Variants in MSL1 observed in about 807,000 individuals in gnomAD.
MSL1 encodes male-specific lethal 1 homolog.
Under a neutral mutation model 64.6 loss-of-function variants are expected in MSL1, and 21 were observed. The ratio of observed to expected loss-of-function variants is 0.33; its 90% confidence interval spans 0.23 to 0.47. The LOEUF (loss-of-function observed/expected upper bound fraction) is 0.47, where lower values mean the gene tolerates loss of function less well. Ranked by LOEUF, MSL1 falls within the 20% of genes least tolerant of loss-of-function variation. The pLI is 1.00. For synonymous variants in MSL1, 339 were observed against 329.6 expected (o/e 1.03, Z -0.31); for missense variants, 664 against 793.2 (o/e 0.84, Z 1.96).
Position 40,126,381 on chromosome 17 carries a change from G to A in MSL1, c.967G>A (p.Gly323Arg). 1 of 1,614,010 alleles carries A rather than the reference G, an allele frequency of 6.2e-7. No individual in the cohort carries two copies. Among genetic ancestry groups the A allele is most frequent in the South Asian group, 1.1e-5 (1 of 91,068 alleles). ...TCTGCCTCCCAAGCCCTTCTCATGT[G>A]GGCGGAGTGGAAAGGGACATAAAAG... ...QTLPPKPFSCGRSGKGHKRKS... is the reference protein window; with the variant it reads ...QTLPPKPFSCRRSGKGHKRKS... Residue 323 changes from glycine (G) to arginine (R), a missense_variant, in exon 2 of 9, where the codon GGG becomes AGG. By Grantham distance (125) the Gly-to-Arg change is moderately radical. Transcript: ENST00000398532.
Position 40,135,348 on chromosome 17 carries a change from T to C in MSL1, c.*979T>C, listed in dbSNP as rs1988519831. The stretch of plus-strand genomic sequence containing the variant: ...TCTCCATTCACTTTGTAAAAATAAT[T>C]TGTATGTGTACCATCTTGGTCCTCT... On this transcript the variant is annotated 3_prime_UTR_variant, in exon 9 of 9. Coordinates refer to ENST00000398532, the MANE Select transcript of MSL1 (RefSeq NM_001365919.1). 2 of 152,228 alleles carry C rather than the reference T, an allele frequency of 1.3e-5. No individual in the cohort carries two copies. The highest frequency in any genetic ancestry group is 6.6e-5 in the Admixed American group (1 of 15,260). 9.4% of individuals were successfully genotyped at this position (152,228 alleles called of 1,614,324 possible).
At position 40,123,135 on chromosome 17, in the gene MSL1, C is replaced by T. The variant is rs1257300790; in HGVS notation, c.523C>T (p.Leu175=). ...TASDPAGPPP[L]PLPGPPPLAP... Reference sequence around the variant, plus strand: ...CTCGGACCCGGCGGGACCCCCACCACTACCTCTGCCCGGGCCGCCACCCCT... The same window carrying T: ...CTCGGACCCGGCGGGACCCCCACCATTACCTCTGCCCGGGCCGCCACCCCT... Residue 175 remains leucine, a synonymous_variant, in exon 1 of 9, where the codon CTA becomes TTA. Transcript: ENST00000398532. 5 of 1,533,044 alleles carry T rather than the reference C, an allele frequency of 3.3e-6. No individual in the cohort carries two copies. Among genetic ancestry groups the T allele is most frequent in the Non-Finnish European group, 4.4e-6 (5 of 1,145,704 alleles). 95.0% of individuals were successfully genotyped at this position (1,533,044 alleles called of 1,614,324 possible).
Position 40,136,390 on chromosome 17 carries a change from T to C in MSL1, c.*2021T>C, listed in dbSNP as rs1366360229. ...CCTCTTATTTTATTGTCCCCTCTTC[T>C]AGGTTAATTCTCCTTTGATTTGACT... On this transcript the variant is annotated 3_prime_UTR_variant, in exon 9 of 9. Transcript: ENST00000398532. 1 of 152,340 alleles carries C rather than the reference T, an allele frequency of 6.6e-6. No homozygotes were observed. The highest frequency in any genetic ancestry group is 2.4e-5 in the African/African-American group (1 of 41,454). The allele number at this position is 152,340 out of a possible 1,614,324, so 9.4% of individuals were successfully genotyped here. A position where few individuals can be genotyped will look rare whatever the true frequency, so the allele number is the denominator to read the frequency against.
Position 40,129,605 on chromosome 17 carries a change from A to C in MSL1, c.1353A>C (p.Pro451=), listed in dbSNP as rs1226047327. ...PSPLPLRESS[P]KKEETVARCL... Reference sequence around the variant, plus strand: ...CGTTACCATTACGGGAATCCTCTCCAAAGAAGGAGGAGACTGTAGCAAGTA... The same window carrying C: ...CGTTACCATTACGGGAATCCTCTCCCAAGAAGGAGGAGACTGTAGCAAGTA... The change falls in exon 3 of 9, where the codon CCA becomes CCC. Residue 451 remains proline, a synonymous_variant. Transcript: ENST00000398532. The C allele has an allele frequency of 4.3e-6, 7 of 1,609,264 alleles. No individual in the cohort carries two copies. The East Asian group carries it at 1.3e-4, about 31-fold the overall frequency.
In MSL1 at chr17:40,136,827, C is replaced by G. The variant is rs1988548947; in HGVS notation, c.*2458C>G. ...TGCTTCAATTTATTATATTTATTGG[C>G]AAACAAACAATTCTGCTTGTATATT... On this transcript the variant is annotated 3_prime_UTR_variant, in exon 9 of 9. Transcript: ENST00000398532. The G allele has an allele frequency of 6.6e-6, 1 of 152,214 alleles. No individual in the cohort carries two copies. Among genetic ancestry groups the G allele is most frequent in the East Asian group, 1.9e-4 (1 of 5,310 alleles). 9.4% of individuals were successfully genotyped at this position (152,214 alleles called of 1,614,324 possible).
At chr17:40,128,491 C>T in intron 2 of MSL1, among the ~76,000 whole-genome samples, 1 of 150,600 alleles carries the variant, frequency 6.6e-6, no homozygotes, top group East Asian at 2.0e-4. Context: ...TCTCCTGCCT[C>T]AGCCTCTCAA....
rs1272396379 is a variant in MSL1, at chr17:40,134,303, T to C, written c.1779T>C (p.Asp593=). ...TPQNFELPWL[D]ERSRCRLEIQ... ...GGAATTTTGAGCTACCCTGGTTGGA[T>C]GAGCGTAGCCGATGCAGATTGGAGA... Residue 593 remains aspartate, a synonymous_variant, in exon 9 of 9, where the codon GAT becomes GAC. Transcript: ENST00000398532. 2 of 1,556,906 alleles carry C rather than the reference T, an allele frequency of 1.3e-6. No individual in the cohort carries two copies. Among genetic ancestry groups the C allele is most frequent in the East Asian group, 2.4e-5 (1 of 41,644 alleles).
Position 40,122,416 on chromosome 17 carries a change from C to T in MSL1, c.-197C>T. 2.7e-6 allele frequency: 1 copy of T among 367,860 alleles called. No homozygotes were observed. 22.8% of individuals were successfully genotyped at this position (367,860 alleles called of 1,614,324 possible). A position where few individuals can be genotyped will look rare whatever the true frequency, so the allele number is the denominator to read the frequency against. The stretch of plus-strand genomic sequence containing the variant: ...CCCATGGGCCGGCGGCGGGCCTCAG[C>T]CGCGGCCTCCACGTCTCCGCACGCC... On this transcript the variant is annotated 5_prime_UTR_variant, in exon 1 of 9. Coordinates refer to ENST00000398532, the MANE Select transcript of MSL1 (RefSeq NM_001365919.1). This position sits in a 1 kb window ranked among gnomAD's most constrained non-coding sequence, Gnocchi z 4.2.
rs1370593094 is a variant in MSL1, at chr17:40,134,532, ACT to A, written c.*166_*167del. On this transcript the variant is annotated 3_prime_UTR_variant, in exon 9 of 9. Coordinates refer to ENST00000398532, the MANE Select transcript of MSL1 (RefSeq NM_001365919.1). ...TTTTCATTACTCTGATTTCACAAAAACTCTTTCATTCGGCTAATTGTGAGTTA... is the reference window on the plus strand; with the variant it reads ...TTTTCATTACTCTGATTTCACAAAAACTTTCATTCGGCTAATTGTGAGTTA... The A allele has an allele frequency of 4.9e-6, 3 of 615,936 alleles. No individual in the cohort carries two copies. Among genetic ancestry groups the A allele is most frequent in the Non-Finnish European group, 8.5e-6 (3 of 354,568 alleles). 38.2% of individuals were successfully genotyped at this position (615,936 alleles called of 1,614,324 possible). A position where few individuals can be genotyped will look rare whatever the true frequency, so the allele number is the denominator to read the frequency against.
At chr17:40,134,158 A>G (rs1343839865) in intron 8 of MSL1, 121 bp from the exon 9 acceptor site, 7 of 813,588 alleles carry the variant, frequency 8.6e-6, no homozygotes, top group Non-Finnish European at 1.4e-5. Flanking sequence ...CAGGAAAGAC[A>G]CTCCAAACTA....
chr17:40,127,866 T>C lies in MSL1; in HGVS notation c.993-1379T>C, dbSNP rs957856237. Among the ~76,000 whole-genome samples the C allele has an allele frequency of 3.3e-5, 5 of 152,212 alleles. No homozygotes were observed. In the East Asian group the frequency reaches 9.6e-4, roughly 29 times the overall value. The stretch of plus-strand genomic sequence containing the variant: ...ATAGCCGGGTGCGGTGGCTCACGCC[T>C]GTAATCCCAGCACTTTGGGAGGCCG... On this transcript the variant is annotated intron_variant, in intron 2 of 8. Transcript: ENST00000398532.
In MSL1 at chr17:40,126,419, CTT is replaced by C. The variant is rs1567668776; in HGVS notation, c.992+15_992+16del. 2 of 1,610,408 alleles carry C rather than the reference CTT, an allele frequency of 1.2e-6. No homozygotes were observed. The highest frequency in any genetic ancestry group is 2.7e-5 in the African/African-American group (2 of 74,924). On this transcript the variant is annotated intron_variant, in intron 2 of 8. Transcript: ENST00000398532. ...AGGGACATAAAAGGTGTGCTGATAA[CTT>C]TGTTTGATGAGGACCCTTGTTACCA...
intron 3 of MSL1, 195 bp downstream of exon 3, chr17:40,129,822 T>G (rs1398400994): frequency 3.4e-6 from 2 of 591,622 alleles, no homozygotes; most frequent in East Asian, 3.1e-5. Flanking sequence ...ATGTGCTCAA[T>G]GTATTTGCCT....
intron 1 of MSL1, 107 bp from the exon 2 acceptor site, chr17:40,126,076 G>A: frequency 1.1e-6 from 1 of 923,846 alleles, no homozygotes; most frequent in Non-Finnish European, 1.7e-6. Flanking sequence ...AGTTGATGTG[G>A]TCCATAGAAA....
In MSL1 at chr17:40,136,662, T is replaced by C. The variant is rs1004976783; in HGVS notation, c.*2293T>C. 2 of 152,378 alleles carry C rather than the reference T, an allele frequency of 1.3e-5. No individual in the cohort carries two copies. The highest frequency in any genetic ancestry group is 4.8e-5 in the African/African-American group (2 of 41,464). The allele number at this position is 152,378 out of a possible 1,614,324, so 9.4% of individuals were successfully genotyped here. A position where few individuals can be genotyped will look rare whatever the true frequency, so the allele number is the denominator to read the frequency against. On this transcript the variant is annotated 3_prime_UTR_variant, in exon 9 of 9. Transcript: ENST00000398532. Reference sequence around the variant, plus strand: ...GTCTGTCTACTTCAGCTTTGTTTTATGCCCATTTCATATTGTTGTCTGTGT... The same window carrying C: ...GTCTGTCTACTTCAGCTTTGTTTTACGCCCATTTCATATTGTTGTCTGTGT...
intron 5 of MSL1, among the ~76,000 whole-genome samples, chr17:40,132,530 C>T (rs746967367): frequency 2.6e-5 from 4 of 151,870 alleles, no homozygotes; most frequent in Admixed American, 1.3e-4. Flanking sequence ...CCCAGCTACT[C>T]GGGAGGCTGA....
In MSL1 at chr17:40,134,492, A is replaced by G. The variant is rs1318664043; in HGVS notation, c.*123A>G. ...TCACTCGCTGATAATACCCTTTCAT[A>G]CTTCCTTGACTTTGTTTTCATTACT... On this transcript the variant is annotated 3_prime_UTR_variant, in exon 9 of 9. Transcript: ENST00000398532. 11 of 741,068 alleles carry G rather than the reference A, an allele frequency of 1.5e-5. No individual in the cohort carries two copies. Among genetic ancestry groups the G allele is most frequent in the Non-Finnish European group, 2.2e-5 (10 of 446,468 alleles). The allele number at this position is 741,068 out of a possible 1,614,324, so 45.9% of individuals were successfully genotyped here. A position where few individuals can be genotyped will look rare whatever the true frequency, so the allele number is the denominator to read the frequency against.
chr17:40,129,775 CTG>C, intron 3 of MSL1, 148 bp downstream of exon 3: 2 of 834,458 alleles, frequency 2.4e-6, no homozygotes, highest in South Asian at 2.0e-5. Context: ...GAGACAGACA[CTG>C]TGCAGGCATT....
Position 40,123,203 on chromosome 17 carries a change from C to T in MSL1, c.591C>T (p.Gly197=), listed in dbSNP as rs1461516369. 2.6e-6 allele frequency: 4 copies of T among 1,535,542 alleles called. No homozygotes were observed. The highest frequency in any genetic ancestry group is 1.2e-5 in the South Asian group (1 of 84,056). The change falls in exon 1 of 9, where the codon GGC becomes GGT. Residue 197 remains glycine (G), a synonymous_variant. Transcript: ENST00000398532. ...ATAGTLAASE[G]RWKSMRKSPL... The stretch of plus-strand genomic sequence containing the variant: ...CCGGGACCCTGGCGGCCAGCGAGGG[C>T]AGATGGAAGAGTATGAGGAAGAGCC...
Sources: allele counts gnomAD v4.1 joint callset (sites outside exome capture counted in the v4.1 genomes callset), GRCh38; gene constraint gnomAD v4.1.1; non-coding constraint Gnocchi (gnomAD v3.1); transcripts MANE v1.5; gene names NCBI Gene and HGNC (gene_info 2026-07-23, HGNC 2026-07-21).